Variants in KIF13A observed in about 807,000 individuals in gnomAD.
The protein encoded by KIF13A is kinesin-like protein KIF13A.
KIF13A carries 79 observed loss-of-function variants against 212.2 expected under a neutral mutation model. The ratio of observed to expected loss-of-function variants is 0.37; its 90% CI spans 0.31 to 0.45. The LOEUF (loss-of-function observed/expected upper bound fraction) is 0.45. Among genes scored for constraint, KIF13A ranks in the 20% least tolerant of loss-of-function variants. The pLI is 1.00. For missense variants in KIF13A, 1,901 were observed against 2,209.0 expected (o/e 0.86, Z 2.79); for synonymous variants, 789 against 808.6 (o/e 0.98, Z 0.41).
intron 17 of KIF13A, among the ~76,000 whole-genome samples, chr6:17,815,330 CTGACTCATGTCAGGCCT>C (rs1763826596): frequency 6.6e-6 from 1 of 152,142 alleles, no homozygotes; most frequent in African/African-American, 2.4e-5. Flanking sequence ...GCGGGCGGGC[CTGACTCATGTCAGGCCT>C]TCCACAAGAG....
At position 17,825,506 on chromosome 6, in the gene KIF13A, C is replaced by T. The variant is rs761410670; in HGVS notation, c.1786+262G>A. 3.3e-5 allele frequency among the ~76,000 whole-genome samples: 5 copies of T among 152,090 alleles called. No individual in the cohort carries two copies. Among genetic ancestry groups the T allele is most frequent in the African/African-American group, 4.8e-5 (2 of 41,408 alleles). ...TCAAAATCATTCAGTACTCTAGGCCCGTGGAAATGTCACCACAATTCGCTT... is the reference window on the plus strand; with the variant it reads ...TCAAAATCATTCAGTACTCTAGGCCTGTGGAAATGTCACCACAATTCGCTT... On this transcript the variant is annotated intron_variant, in intron 16 of 38. Transcript: ENST00000259711. This position sits in a 1 kb window ranked among gnomAD's most constrained non-coding sequence, Gnocchi z 4.5.
At position 17,779,128 on chromosome 6, in the gene KIF13A, C is replaced by G. The variant is rs997036425; in HGVS notation, c.3940-29G>C. ...CGAGGACAGGAAGGAAGTGACAATACTTTGATGTGAACAACGTTTTCATCC... is the reference window on the plus strand; with the variant it reads ...CGAGGACAGGAAGGAAGTGACAATAGTTTGATGTGAACAACGTTTTCATCC... On this transcript the variant is annotated intron_variant, in intron 32 of 38. Coordinates refer to ENST00000259711, the MANE Select transcript of KIF13A (RefSeq NM_022113.6). 1.9e-6 allele frequency: 3 copies of G among 1,604,164 alleles called. No individual in the cohort carries two copies. In the Admixed American group the frequency reaches 5.0e-5, roughly 27 times the overall value.
chr6:17,865,019 G>A (rs1769215698), intron 4 of KIF13A, among the ~76,000 whole-genome samples: 1 of 152,210 alleles, frequency 6.6e-6, no homozygotes, highest in Non-Finnish European at 1.5e-5. Flanking sequence ...CAGGATAAAA[G>A]AGTCACAGTG....
At position 17,850,264 on chromosome 6, in the gene KIF13A, A is replaced by G; in HGVS notation, c.717+59T>C. ...AACCCAACCATGAAAGACTTTACCT[A>G]TATGGACACTTTCAGTTCTTCCACC... On this transcript the variant is annotated intron_variant, in intron 8 of 38. Transcript: ENST00000259711. This position sits in a 1 kb window ranked among gnomAD's most constrained non-coding sequence, Gnocchi z 6.2. The G allele has an allele frequency of 6.6e-7, 1 of 1,526,694 alleles. No individual in the cohort carries two copies. Among genetic ancestry groups the G allele is most frequent in the Non-Finnish European group, 8.9e-7 (1 of 1,129,614 alleles). The allele number at this position is 1,526,694 out of a possible 1,614,324, so 94.6% of individuals were successfully genotyped here.
chr6:17,794,845 A>T lies in KIF13A; in HGVS notation c.2943-141T>A. 1.3e-6 allele frequency: 1 copy of T among 769,876 alleles called. No homozygotes were observed. The allele number at this position is 769,876 out of a possible 1,614,324, so 47.7% of individuals were successfully genotyped here. Reference sequence around the variant, plus strand: ...CTTGTATAAGTTACTTCCTTATTTAACTCTCAAAACCAACCTGTCATATTG... The same window carrying T: ...CTTGTATAAGTTACTTCCTTATTTATCTCTCAAAACCAACCTGTCATATTG... On this transcript the variant is annotated intron_variant, in intron 23 of 38. Transcript: ENST00000259711. This position sits in a 1 kb window ranked among gnomAD's most constrained non-coding sequence, Gnocchi z 4.1.
chr6:17,850,319 T>G lies in KIF13A; in HGVS notation c.717+4A>C, dbSNP rs1404248739. ...CTCCAAAAAGGTTCTGCCTAATCCC[T>G]TACCCCAGACTGCAGGTCATAAAGT... On this transcript the variant is annotated splice_donor_region_variant and intron_variant, in intron 8 of 38. Coordinates refer to ENST00000259711, the MANE Select transcript of KIF13A (RefSeq NM_022113.6). The surrounding 1 kb of genome is among the most constrained non-coding windows in gnomAD (Gnocchi z 6.2). The G allele has an allele frequency of 6.2e-7, 1 of 1,611,316 alleles. No homozygotes were observed. Among genetic ancestry groups the G allele is most frequent in the Non-Finnish European group, 8.5e-7 (1 of 1,178,412 alleles).
Position 17,918,587 on chromosome 6 carries a change from C to T in KIF13A, c.147-20407G>A, listed in dbSNP as rs898783914. On this transcript the variant is annotated intron_variant, in intron 2 of 38. Coordinates refer to ENST00000259711, the MANE Select transcript of KIF13A (RefSeq NM_022113.6). This position sits in a 1 kb window ranked among gnomAD's most constrained non-coding sequence, Gnocchi z 4.8. ...TCTGGGTCTCAGCAGGTATGTGTGT[C>T]GAGTTATCTAAATGGACCTTGTGTT... 1.3e-5 allele frequency among the ~76,000 whole-genome samples: 2 copies of T among 152,032 alleles called. No homozygotes were observed. The highest frequency in any genetic ancestry group is 4.8e-5 in the African/African-American group (2 of 41,384).
rs1779844556 is a variant in KIF13A, at chr6:17,971,993, T to A, written c.146+15061A>T. ...CAATGCATAATTCATCATAAAAATG[T>A]AGACTAGGCTGTAATCCTAGAAAGA... On this transcript the variant is annotated intron_variant, in intron 2 of 38. Coordinates refer to ENST00000259711, the MANE Select transcript of KIF13A (RefSeq NM_022113.6). This position sits in a 1 kb window ranked among gnomAD's most constrained non-coding sequence, Gnocchi z 4.2. Among the ~76,000 whole-genome samples the A allele has an allele frequency of 6.6e-6, 1 of 152,186 alleles. No individual in the cohort carries two copies. Among genetic ancestry groups the A allele is most frequent in the Admixed American group, 6.5e-5 (1 of 15,278 alleles).
rs977458099 is a variant in KIF13A, at chr6:17,768,521, C to G, written c.4581+2593G>C. ...GCAGAACTGCACCAGCCAAGGGCTC[C>G]AGTACTTCTGTCCATGGTACTGAGG... On this transcript the variant is annotated intron_variant, in intron 38 of 38. Coordinates refer to ENST00000259711, the MANE Select transcript of KIF13A (RefSeq NM_022113.6). The surrounding 1 kb of genome is among the most constrained non-coding windows in gnomAD (Gnocchi z 5.4). Among the ~76,000 whole-genome samples, 2 of 152,180 alleles carry G rather than the reference C, an allele frequency of 1.3e-5. No individual in the cohort carries two copies. Among genetic ancestry groups the G allele is most frequent in the African/African-American group, 4.8e-5 (2 of 41,434 alleles).
At position 17,828,148 on chromosome 6, in the gene KIF13A, T is replaced by C; in HGVS notation, c.1532+92A>G. 1 of 1,347,990 alleles carries C rather than the reference T, an allele frequency of 7.4e-7. No individual in the cohort carries two copies. Among genetic ancestry groups the C allele is most frequent in the South Asian group, 1.5e-5 (1 of 68,002 alleles). The allele number at this position is 1,347,990 out of a possible 1,614,324, so 83.5% of individuals were successfully genotyped here. On this transcript the variant is annotated intron_variant, in intron 14 of 38. Coordinates refer to ENST00000259711, the MANE Select transcript of KIF13A (RefSeq NM_022113.6). This position sits in a 1 kb window ranked among gnomAD's most constrained non-coding sequence, Gnocchi z 4.3. ...GAGGACCCCCATGTATCCTTAACTT[T>C]AATATAGCTGAAAGCAAACAGAAAG...
rs72839141 is a variant in KIF13A at position 17,975,756 on chromosome 6, C to G, written c.146+11298G>C. ...ACGTCCTCATTAGATTAGCTAGATACAGAGTCCACACAAACGTTCTCCAAG... is the reference window on the plus strand; with the variant it reads ...ACGTCCTCATTAGATTAGCTAGATAGAGAGTCCACACAAACGTTCTCCAAG... On this transcript the variant is annotated intron_variant, in intron 2 of 38. Transcript: ENST00000259711. Among the ~76,000 whole-genome samples the G allele has an allele frequency of 8.5e-4, 129 of 152,242 alleles. 1 individual carries two copies. Among genetic ancestry groups the G allele is most frequent in the Non-Finnish European group, 1.6e-3 (109 of 68,006 alleles).
At chr6:17,921,341 G>A (rs991972416) in intron 2 of KIF13A, among the ~76,000 whole-genome samples, 2 of 152,150 alleles carry the variant, frequency 1.3e-5, no homozygotes, top group Non-Finnish European at 2.9e-5. Context: ...CACACTTCAA[G>A]GAAAGCTGAC....
At chr6:17,836,749 T>C (rs1273750735) in intron 11 of KIF13A, 129 bp downstream of exon 11, 3 of 824,932 alleles carry the variant, frequency 3.6e-6, no homozygotes, top group African/African-American at 3.4e-5. Flanking sequence ...CAATTCAACA[T>C]GAGATTTGGG....
At position 17,843,472 on chromosome 6, in the gene KIF13A, G is replaced by T. The variant is rs1472001442; in HGVS notation, c.831-5889C>A. 2.0e-5 allele frequency among the ~76,000 whole-genome samples: 3 copies of T among 152,312 alleles called. No individual in the cohort carries two copies. In the East Asian group the frequency reaches 5.8e-4, roughly 29 times the overall value. On this transcript the variant is annotated intron_variant, in intron 9 of 38. Transcript: ENST00000259711. This position sits in a 1 kb window ranked among gnomAD's most constrained non-coding sequence, Gnocchi z 5.3. ...ACTGTTGTTCTTCTGATAAAAGAAG[G>T]TACAAATTCAGCTGACAGAAGCCTG...
In KIF13A at chr6:17,831,209, C is replaced by T; in HGVS notation, c.1293G>A (p.Met431Ile). 1 of 1,613,448 alleles carries T rather than the reference C, an allele frequency of 6.2e-7. No homozygotes were observed. The highest frequency in any genetic ancestry group is 8.5e-7 in the Non-Finnish European group (1 of 1,179,756). Reference protein sequence around the residue: ...AQERQRQLESMGISLEMSGIK... With the variant: ...AQERQRQLESIGISLEMSGIK... ...TACCGGACATCTCCAGGGAAATCCC[C>T]ATGCTTTCAAGTTGTCGTTGTCTTT... The change falls in exon 13 of 39, where the codon ATG becomes ATA. Residue 431 changes from methionine to isoleucine, a missense_variant. Transcript: ENST00000259711.
chr6:17,945,234 A>G (rs1230614235), intron 2 of KIF13A, among the ~76,000 whole-genome samples: 1 of 152,228 alleles, frequency 6.6e-6, no homozygotes, highest in African/African-American at 2.4e-5. Flanking sequence ...CACAAAAATA[A>G]CACTGAACGA....
At chr6:17,979,121 C>T (rs533450027) in intron 2 of KIF13A, among the ~76,000 whole-genome samples, 2 of 152,254 alleles carry the variant, frequency 1.3e-5, no homozygotes, top group Admixed American at 6.5e-5. Context: ...AGCGAAACCC[C>T]ATGCCTACTA....
chr6:17,938,784 C>T (rs966518905), intron 2 of KIF13A, among the ~76,000 whole-genome samples: 1 of 150,486 alleles, frequency 6.6e-6, no homozygotes, highest in Non-Finnish European at 1.5e-5. Context: ...CAACTTGGAA[C>T]TGAAAGTCTT....
chr6:17,960,516 G>C (rs1318135414), intron 2 of KIF13A, among the ~76,000 whole-genome samples: 1 of 152,124 alleles, frequency 6.6e-6, no homozygotes, highest in Non-Finnish European at 1.5e-5. Flanking sequence ...ACAAATCAGT[G>C]ACCATTTTGG....
Sources: gnomAD v4.1 joint callset for allele counts (sites outside exome capture counted in the v4.1 genomes callset) on GRCh38, gnomAD v4.1.1 for gene constraint, Gnocchi (gnomAD v3.1) non-coding constraint, MANE v1.5 for transcripts, NCBI Gene and HGNC (gene_info 2026-07-23, HGNC 2026-07-21) for gene names.